The following CHRM3 variants were observed in gnomAD, a reference collection of about 807,000 sequenced individuals.
The protein encoded by CHRM3 is cholinergic receptor muscarinic 3, also known as muscarinic acetylcholine receptor M3.
A neutral mutation model predicts 41.8 loss-of-function variants in CHRM3; 11 were observed. That is an observed-to-expected ratio of 0.26 (90% CI 0.17 to 0.44). CHRM3 has a LOEUF of 0.44. Ranked by LOEUF, CHRM3 falls within the 20% of genes least tolerant of loss-of-function variation. The pLI, the probability that CHRM3 is intolerant of heterozygous loss-of-function variation, is 1.00. For synonymous variants in CHRM3, 297 were observed against 301.4 expected (o/e 0.99, Z 0.15); for missense variants, 571 against 745.4 (o/e 0.77, Z 2.72).
intron 1 of CHRM3, among the ~76,000 whole-genome samples, chr1:239,457,765 G>T (rs1356948163): frequency 9.9e-5 from 15 of 152,094 alleles, no homozygotes; most frequent in Admixed American, 9.8e-4. Flanking sequence ...TGTTACTTTT[G>T]TTTCATAAAA....
chr1:239,577,916 C>A (rs73120655), intron 3 of CHRM3, among the ~76,000 whole-genome samples: 1,706 of 152,146 alleles, frequency 0.011, 50 homozygotes, highest in East Asian at 0.11. Context: ...ACACTTCCAG[C>A]AAAACTCTAT....
chr1:239,587,897 T>C (rs1350441453), intron 3 of CHRM3, among the ~76,000 whole-genome samples: 2 of 152,228 alleles, frequency 1.3e-5, no homozygotes, highest in African/African-American at 4.8e-5. Context: ...TTCTCACATA[T>C]GCTAATTATA....
rs190579822 is a variant in CHRM3 at position 239,435,314 on chromosome 1, G to T, written c.-521+48087G>T. Among the ~76,000 whole-genome samples, 681 of 152,114 alleles carry T rather than the reference G, an allele frequency of 4.5e-3. 5 individuals are homozygous for T. The highest frequency in any genetic ancestry group is 0.016 in the African/African-American group (650 of 41,516). On this transcript the variant is annotated intron_variant, in intron 1 of 6. Transcript: ENST00000676153. ...AAAATACAAAAATCAGCCGGGTGTG[G>T]TGGCGGGTGCCTGTAGTCCAGCTAC...
chr1:239,789,032 G>T (rs1009680811), intron 5 of CHRM3, among the ~76,000 whole-genome samples: 5 of 152,136 alleles, frequency 3.3e-5, no homozygotes, highest in African/African-American at 1.2e-4. Flanking sequence ...TTCCTGGTCA[G>T]GCGTCTTTTC....
intron 2 of CHRM3, among the ~76,000 whole-genome samples, chr1:239,519,886 C>T (rs1418356313): frequency 1.3e-5 from 2 of 151,346 alleles, no homozygotes; most frequent in East Asian, 2.0e-4. Context: ...TAGCTGGGAC[C>T]ACAGGCACCC....
chr1:239,454,635 G>A (rs1017691282), intron 1 of CHRM3, among the ~76,000 whole-genome samples: 2 of 152,114 alleles, frequency 1.3e-5, no homozygotes, highest in African/African-American at 4.8e-5. Context: ...CTGGCAACAA[G>A]GCCAGTGCTA....
At chr1:239,896,657 G>C (rs937988181) in intron 6 of CHRM3, among the ~76,000 whole-genome samples, 1 of 152,122 alleles carries the variant, frequency 6.6e-6, no homozygotes, top group African/African-American at 2.4e-5. Flanking sequence ...TTTAGAGCAG[G>C]GTTTCTCAGC....
At chr1:239,495,778 C>A (rs76821038) in intron 2 of CHRM3, among the ~76,000 whole-genome samples, 1,978 of 152,228 alleles carry the variant, frequency 0.013, 35 homozygotes, top group South Asian at 0.037. Flanking sequence ...AGTAAGCACT[C>A]AATATATATT....
intron 4 of CHRM3, among the ~76,000 whole-genome samples, chr1:239,662,669 AC>A (rs1195841441): frequency 1.3e-5 from 2 of 152,146 alleles, no homozygotes; most frequent in East Asian, 3.9e-4. Context: ...AACTTGACAG[AC>A]CCAAGTTAAT....
chr1:239,797,932 G>A (rs1005847440), intron 5 of CHRM3, among the ~76,000 whole-genome samples: 3 of 151,936 alleles, frequency 2.0e-5, no homozygotes, highest in Non-Finnish European at 4.4e-5. Context: ...GCCTGTAGTC[G>A]CAGCTACTCG....
chr1:239,412,393 G>A (rs537119750), intron 1 of CHRM3, among the ~76,000 whole-genome samples: 1 of 26,418 alleles, frequency 3.8e-5, no homozygotes, highest in South Asian at 1.1e-3. Context: ...GTCAGCACTG[G>A]TTCCTCCAGT....
chr1:239,835,417 G>A (rs182130986), intron 6 of CHRM3, among the ~76,000 whole-genome samples: 117 of 152,152 alleles, frequency 7.7e-4, no homozygotes, highest in African/African-American at 2.5e-3. Flanking sequence ...CTCTGCACAA[G>A]TGCAACGCAA....
chr1:239,662,829 CTCCTCCTCTTCTTCT>C (rs1264920712), intron 4 of CHRM3, among the ~76,000 whole-genome samples: 1 of 149,054 alleles, frequency 6.7e-6, no homozygotes, highest in African/African-American at 2.5e-5. Flanking sequence ...CTTCCTCTTC[CTCCTCCTCTTCTTCT>C]TCCTCTTCCT....
At chr1:239,647,518 G>A (rs1671844354) in intron 4 of CHRM3, among the ~76,000 whole-genome samples, 1 of 151,910 alleles carries the variant, frequency 6.6e-6, no homozygotes, top group East Asian at 1.9e-4. Flanking sequence ...ACTGCAAAGT[G>A]ATGATTTCCT....
At chr1:239,866,918 C>A (rs1417665453) in intron 6 of CHRM3, among the ~76,000 whole-genome samples, 1 of 152,212 alleles carries the variant, frequency 6.6e-6, no homozygotes. Flanking sequence ...CCACGATGCA[C>A]AATTCACATG....
intron 5 of CHRM3, among the ~76,000 whole-genome samples, chr1:239,706,682 G>T (rs1181885824): frequency 7.3e-6 from 1 of 136,240 alleles, no homozygotes; most frequent in African/African-American, 2.9e-5. Flanking sequence ...GTACACACAC[G>T]GAGGCATGCA....
At chr1:239,661,006 A>G (rs1237607815) in intron 4 of CHRM3, among the ~76,000 whole-genome samples, 3 of 152,198 alleles carry the variant, frequency 2.0e-5, no homozygotes, top group Non-Finnish European at 4.4e-5. Context: ...TATTACTGTT[A>G]TATCACTTTT....
chr1:239,909,156 C>T lies in CHRM3; in HGVS notation c.1705C>T (p.Arg569Cys), dbSNP rs779263285. 27 of 1,613,850 alleles carry T rather than the reference C, an allele frequency of 1.7e-5. No homozygotes were observed. The highest frequency in any genetic ancestry group is 2.2e-5 in the East Asian group (1 of 44,870). ...LLCQCDKKKR[R>C]KQQYQQRQSV... ...GTGCCAGTGTGACAAAAAAAAGAGG[C>T]GCAAGCAGCAGTACCAGCAGAGACA... The change falls in exon 7 of 7, where the codon CGC (arginine) becomes TGC (cysteine). Residue 569 changes from arginine to cysteine, a missense_variant. By Grantham distance (180) the Arg-to-Cys change is radical. Transcript: ENST00000676153.
chr1:239,717,840 A>G (rs1039853200), intron 5 of CHRM3, among the ~76,000 whole-genome samples: 1 of 152,172 alleles, frequency 6.6e-6, no homozygotes, highest in East Asian at 1.9e-4. Context: ...GCTAAATGGC[A>G]GTAATCTGTG....
Sources: allele counts gnomAD v4.1 joint callset (sites outside exome capture counted in the v4.1 genomes callset), GRCh38; gene constraint gnomAD v4.1.1; transcripts MANE v1.5; gene names NCBI Gene and HGNC (gene_info 2026-07-23, HGNC 2026-07-21).